Variants in ICA1 observed in about 807,000 individuals in gnomAD.
ICA1 encodes the protein 69 kDa islet cell autoantigen.
Under a neutral mutation model 71.0 loss-of-function variants are expected in ICA1, and 40 were observed. The observed-to-expected ratio is 0.56, with a 90% CI of 0.44 to 0.73. The LOEUF (loss-of-function observed/expected upper bound fraction) is 0.73, where lower values mean the gene tolerates loss of function less well. ICA1 is among the 30% of genes least tolerant of loss of function. The pLI is 0.00. For synonymous variants in ICA1, 207 were observed against 209.5 expected, an observed-to-expected ratio of 0.99 and a Z score of 0.10; for missense variants, 578 against 576.5, an observed-to-expected ratio of 1.00 and a Z score of -0.03.
At chr7:8,114,965 G>GA (rs1562478798) in intron 13 of ICA1, 1 of 152,180 alleles carries the variant, frequency 6.6e-6, no homozygotes, top group Non-Finnish European at 1.5e-5. Context: ...CCATCTGGCT[G>GA]AAAAGAGTCT....
At chr7:8,209,748 T>TC (rs1554343879) in intron 6 of ICA1, among the ~76,000 whole-genome samples, 1 of 152,072 alleles carries the variant, frequency 6.6e-6, no homozygotes, top group Non-Finnish European at 1.5e-5. Context: ...AAAGGCTCCC[T>TC]GAGGGTCACG....
At chr7:8,227,973 C>T (rs1387052177) in intron 4 of ICA1, 1 of 313,956 alleles carries the variant, frequency 3.2e-6, no homozygotes. Flanking sequence ...GGTTTGGCAG[C>T]AGTCAGCAAC....
At chr7:8,240,271 AAC>A (rs1261132670) in intron 1 of ICA1, among the ~76,000 whole-genome samples, 1 of 139,310 alleles carries the variant, frequency 7.2e-6, no homozygotes, top group Non-Finnish European at 1.6e-5. Flanking sequence ...TACCCAGGCA[AAC>A]AGAGTCTGGA....
Position 8,210,867 on chromosome 7 carries a change from C to A in ICA1, c.579+7438G>T, listed in dbSNP as rs138403897. On this transcript the variant is annotated intron_variant, in intron 6 of 13. Coordinates refer to ENST00000402384, the MANE Select transcript of ICA1 (RefSeq NM_001136020.3). Reference sequence around the variant, plus strand: ...AGCTGGGATTACAGACGTGCACCACCATGGGCCAAGGGAAATTTTAAAGCA... The same window carrying A: ...AGCTGGGATTACAGACGTGCACCACAATGGGCCAAGGGAAATTTTAAAGCA... Among the ~76,000 whole-genome samples, 568 of 152,250 alleles carry A rather than the reference C, an allele frequency of 3.7e-3. 2 individuals carry two copies. The highest frequency in any genetic ancestry group is 0.01 in the Middle Eastern group (3 of 294).
intron 8 of ICA1, among the ~76,000 whole-genome samples, chr7:8,146,842 A>G (rs1435855830): frequency 2.1e-5 from 3 of 143,432 alleles, no homozygotes; most frequent in Non-Finnish European, 4.5e-5. Context: ...TGCCAATTAC[A>G]GCATTTTATT....
intron 6 of ICA1, among the ~76,000 whole-genome samples, chr7:8,185,744 C>T (rs189534274): frequency 6.6e-6 from 1 of 152,272 alleles, no homozygotes; most frequent in Admixed American, 6.5e-5. Context: ...CCTTAATTTC[C>T]AAATTAGTAA....
intron 6 of ICA1, among the ~76,000 whole-genome samples, chr7:8,209,368 T>C (rs1487824502): frequency 1.3e-5 from 2 of 152,208 alleles, no homozygotes; most frequent in African/African-American, 4.8e-5. Context: ...CCTCTACTTA[T>C]AGAATTCAAG....
chr7:8,197,552 A>T (rs1028931859), intron 6 of ICA1, among the ~76,000 whole-genome samples: 1 of 135,374 alleles, frequency 7.4e-6, no homozygotes, highest in African/African-American at 2.7e-5. Context: ...TCTCAGAAAA[A>T]AAAAAAAAAA....
chr7:8,148,896 G>A (rs1048797646), intron 8 of ICA1, among the ~76,000 whole-genome samples: 1 of 152,188 alleles, frequency 6.6e-6, no homozygotes, highest in South Asian at 2.1e-4. Context: ...ATTAGTTCCT[G>A]GGTGTGACTG....
At chr7:8,235,447 T>C (rs187913321) in intron 2 of ICA1, among the ~76,000 whole-genome samples, 2 of 152,208 alleles carry the variant, frequency 1.3e-5, no homozygotes, top group East Asian at 3.8e-4. Flanking sequence ...TTGACAATAA[T>C]TGGCTCCTGA....
chr7:8,261,084 G>C (rs1193711160), intron 1 of ICA1, among the ~76,000 whole-genome samples: 1 of 152,138 alleles, frequency 6.6e-6, no homozygotes, highest in African/African-American at 2.4e-5. Flanking sequence ...TCCAGGCCTT[G>C]ATAATTTTTA....
rs547590545 is a variant in ICA1 at position 8,234,011 on chromosome 7, C to T, written c.18-1256G>A. On this transcript the variant is annotated intron_variant, in intron 2 of 13. Coordinates refer to ENST00000402384, the MANE Select transcript of ICA1 (RefSeq NM_001136020.3). The surrounding 1 kb of genome is among the most constrained non-coding windows in gnomAD (Gnocchi z 4.5). ...GCCCAGGCAGGAGGACTGCTTGAGG[C>T]CAGGAGTTTCAGATCAGCCTGGGCA... is the stretch of plus-strand genomic sequence containing the variant. Among the ~76,000 whole-genome samples the T allele has an allele frequency of 7.7e-4, 117 of 152,174 alleles. No individual in the cohort carries two copies. Among genetic ancestry groups the T allele is most frequent in the Non-Finnish European group, 1.3e-3 (91 of 68,010 alleles).
rs1166978510 is a variant in ICA1, at chr7:8,236,040, C to T, written c.-79-35G>A. On this transcript the variant is annotated intron_variant, in intron 1 of 13. Coordinates refer to ENST00000402384, the MANE Select transcript of ICA1 (RefSeq NM_001136020.3). Reference sequence around the variant, plus strand: ...AACAAATATGTTTAATAGTTACACACCATATTATAGTTACATATTAATGTG... The same window carrying T: ...AACAAATATGTTTAATAGTTACACATCATATTATAGTTACATATTAATGTG... 6 of 1,101,848 alleles carry T rather than the reference C, an allele frequency of 5.4e-6. No homozygotes were observed. In the East Asian group the frequency reaches 1.5e-4, roughly 27 times the overall value. The allele number at this position is 1,101,848 out of a possible 1,614,324, so 68.3% of individuals were successfully genotyped here. A position where few individuals can be genotyped will look rare whatever the true frequency, so the allele number is the denominator to read the frequency against.
At chr7:8,228,194 ATGT>A (rs1191415333) in intron 4 of ICA1, among the ~76,000 whole-genome samples, 3 of 152,192 alleles carry the variant, frequency 2.0e-5, no homozygotes, top group African/African-American at 7.2e-5. Flanking sequence ...TCATGAAGAA[ATGT>A]TGTCAACAAA....
At chr7:8,139,264 A>T (rs899314780) in intron 10 of ICA1, among the ~76,000 whole-genome samples, 3 of 152,232 alleles carry the variant, frequency 2.0e-5, no homozygotes, top group Non-Finnish European at 4.4e-5. Context: ...TTGGCAGATA[A>T]CCTGAAAACC....
chr7:8,190,434 T>C (rs143628907), intron 6 of ICA1, among the ~76,000 whole-genome samples: 144 of 152,304 alleles, frequency 9.5e-4, no homozygotes, highest in Non-Finnish European at 1.8e-3. Context: ...AAAAATAATA[T>C]TAATGGAACT....
At chr7:8,114,218 AG>A in intron 13 of ICA1, 174 bp from the exon 14 acceptor site, 1 of 678,308 alleles carries the variant, frequency 1.5e-6, no homozygotes. Context: ...CTGGTTGGCC[AG>A]TTAACATTTC....
chr7:8,153,385 T>C (rs1041977057), intron 8 of ICA1, among the ~76,000 whole-genome samples: 18 of 152,048 alleles, frequency 1.2e-4, no homozygotes, highest in African/African-American at 3.9e-4. Context: ...GGCCCAATGC[T>C]CACTGCGACA....
In ICA1 at chr7:8,228,445, T is replaced by C. The variant is rs80199361; in HGVS notation, c.256+156A>G. ...TGCTTTGAAAGATAAATAAGCTATGTATATTATTGGTAAAATTATTAGAGA... is the reference window on the plus strand; with the variant it reads ...TGCTTTGAAAGATAAATAAGCTATGCATATTATTGGTAAAATTATTAGAGA... On this transcript the variant is annotated intron_variant, in intron 4 of 13. Coordinates refer to ENST00000402384, the MANE Select transcript of ICA1 (RefSeq NM_001136020.3). Among the ~76,000 whole-genome samples, 1,295 of 152,324 alleles carry C rather than the reference T, an allele frequency of 8.5e-3. 4 individuals carry two copies. The highest frequency in any genetic ancestry group is 0.014 in the Non-Finnish European group (968 of 68,022).
Sources: allele counts gnomAD v4.1 joint callset (sites outside exome capture counted in the v4.1 genomes callset), GRCh38; gene constraint gnomAD v4.1.1; non-coding constraint Gnocchi (gnomAD v3.1); transcripts MANE v1.5; gene names NCBI Gene and HGNC (gene_info 2026-07-23, HGNC 2026-07-21).